CLEC10A: variants seen among roughly 807,000 people sequenced by gnomAD.
CLEC10A encodes C-type lectin domain containing 10A.
CLEC10A carries 38 observed loss-of-function variants against 42.0 expected under a neutral mutation model. The ratio of observed to expected loss-of-function variants is 0.90; its 90% CI spans 0.70 to 1.18. CLEC10A has a LOEUF of 1.18. Ranked by LOEUF, CLEC10A falls within the 50% of genes most tolerant of loss-of-function variation. The probability of loss-of-function intolerance (pLI) is 0.00; values close to 1 mark genes in which losing one functional copy is unlikely to be tolerated. For missense variants in CLEC10A, 298 were observed against 345.9 expected (o/e 0.86, Z 1.10); for synonymous variants, 126 against 139.9 (o/e 0.90, Z 0.70).
intron 7 of CLEC10A, 79 bp from the exon 8 acceptor site, chr17:7,075,545 T>G: frequency 7.0e-7 from 1 of 1,433,620 alleles, no homozygotes; most frequent in Non-Finnish European, 9.7e-7. Context: ...ACTTTAGCTC[T>G]TCGTTAAATC....
chr17:7,078,589 T>G lies in CLEC10A; in HGVS notation c.67+157A>C. 3 of 703,938 alleles carry G rather than the reference T, an allele frequency of 4.3e-6. No individual in the cohort carries two copies. In the Admixed American group the frequency reaches 6.7e-5, roughly 16 times the overall value. The allele number at this position is 703,938 out of a possible 1,614,324, so 43.6% of individuals were successfully genotyped here. A position where few individuals can be genotyped will look rare whatever the true frequency, so the allele number is the denominator to read the frequency against. On this transcript the variant is annotated intron_variant, in intron 2 of 8. Transcript: ENST00000416562. ...CCCTGTCCCAGTCTTTCTAGAGACC[T>G]TGCATCCTCTTCACACTAGGCCCGT...
chr17:7,075,031 C>T lies in CLEC10A; in HGVS notation c.*23G>A, dbSNP rs762647211. On this transcript the variant is annotated 3_prime_UTR_variant, in exon 9 of 9. Transcript: ENST00000416562. ...CTCCTCCCACCGCCATTTCTGTGGC[C>T]GGGTGGTCCCACCAAAGGCAGCTCA... 8.3e-5 allele frequency: 126 copies of T among 1,523,616 alleles called. 1 individual carries two copies. In the South Asian group the frequency reaches 1.4e-3, roughly 16 times the overall value. The allele number at this position is 1,523,616 out of a possible 1,614,324, so 94.4% of individuals were successfully genotyped here.
chr17:7,077,013 T>C (rs555759895), intron 3 of CLEC10A, 26 bp from the exon 4 acceptor site: 1 of 1,530,514 alleles, frequency 6.5e-7, no homozygotes, highest in African/African-American at 1.4e-5. Context: ...GGAAGGTCAG[T>C]GCTGGGATTC....
Position 7,075,063 on chromosome 17 carries a change from C to T in CLEC10A, c.861G>A (p.Glu287=), listed in dbSNP as rs1338974073. The T allele has an allele frequency of 6.3e-7, 1 of 1,575,816 alleles. No homozygotes were observed. Among genetic ancestry groups the T allele is most frequent in the Non-Finnish European group, 8.6e-7 (1 of 1,167,732 alleles). Residue 287 remains glutamate (E), a synonymous_variant, in exon 9 of 9, where the codon GAG becomes GAA. Coordinates refer to ENST00000416562, the MANE Select transcript of CLEC10A (RefSeq NM_001330070.2). ...TCCCACCAAAGGCAGCTCAGTGACT[C>T]TCCTGGCTGGTCTGACCCAGGCCAG... The part of the protein sequence containing the change: ...CEAGLGQTSQ[E]SH
chr17:7,074,880 T>C lies in CLEC10A; in HGVS notation c.*174A>G. 1 of 448,592 alleles carries C rather than the reference T, an allele frequency of 2.2e-6. No individual in the cohort carries two copies. Among genetic ancestry groups the C allele is most frequent in the Non-Finnish European group, 3.8e-6 (1 of 266,032 alleles). The allele number at this position is 448,592 out of a possible 1,614,324, so 27.8% of individuals were successfully genotyped here. On this transcript the variant is annotated 3_prime_UTR_variant, in exon 9 of 9. Transcript: ENST00000416562. ...CAAAAGTTGGAAAAAAAATAAAAGCTTAAGAACACTATACCATCTTTTTAA... is the reference window on the plus strand; with the variant it reads ...CAAAAGTTGGAAAAAAAATAAAAGCCTAAGAACACTATACCATCTTTTTAA...
chr17:7,078,238 A>C, intron 2 of CLEC10A, 125 bp from the exon 3 acceptor site: 2 of 672,942 alleles, frequency 3.0e-6, no homozygotes, highest in Non-Finnish European at 5.0e-6. Context: ...GGGTTGGACA[A>C]GGAGGATTTT....
Position 7,076,747 on chromosome 17 carries a change from T to C in CLEC10A, c.338A>G (p.Gln113Arg), listed in dbSNP as rs1356054293. Residue 113 changes from glutamine (Q) to arginine (R), a missense_variant, in exon 5 of 9, where the codon CAG becomes CGG. Physicochemically the swap from Gln to Arg is conservative, Grantham distance 43. Coordinates refer to ENST00000416562, the MANE Select transcript of CLEC10A (RefSeq NM_001330070.2). ...SLKAEVEGFKQERQAVHSEML... is the reference protein window; with the variant it reads ...SLKAEVEGFKRERQAVHSEML... ...GGGTCTCTCACCTGCCTGCCGTTCC[T>C]GCTTGAAACCCTCCACCTCAGCTTT... 6.2e-7 allele frequency: 1 copy of C among 1,613,622 alleles called. No homozygotes were observed. The highest frequency in any genetic ancestry group is 8.5e-7 in the Non-Finnish European group (1 of 1,179,946).
In CLEC10A at chr17:7,077,987, T is replaced by A; in HGVS notation, c.184+10A>T. On this transcript the variant is annotated intron_variant, in intron 3 of 8. Coordinates refer to ENST00000416562, the MANE Select transcript of CLEC10A (RefSeq NM_001330070.2). ...TTTCTCTCTTCCCTGTCCACCCCTG[T>A]GACCCTCACTTTGGAATCCAACCAC... The A allele has an allele frequency of 6.3e-7, 1 of 1,590,160 alleles. No homozygotes were observed.
rs752777715 is a variant in CLEC10A, at chr17:7,075,440, G to A, written c.621C>T (p.Ser207=). ...EQNFVQKYLG[S]AYTWMGLSDP... ...CACTGAGGCCCATCCAGGTGTATGC[G>A]GAGCCTAGATATTTCTGGACAAAAT... Residue 207 remains serine, a synonymous_variant, in exon 8 of 9, where the codon TCC becomes TCT. Transcript: ENST00000416562. 10 of 1,530,152 alleles carry A rather than the reference G, an allele frequency of 6.5e-6. No individual in the cohort carries two copies. Among genetic ancestry groups the A allele is most frequent in the African/African-American group, 2.8e-5 (2 of 71,998 alleles). 94.8% of individuals were successfully genotyped at this position (1,530,152 alleles called of 1,614,324 possible). A position where few individuals can be genotyped will look rare whatever the true frequency, so the allele number is the denominator to read the frequency against.
In CLEC10A at chr17:7,076,822, T is replaced by C; in HGVS notation, c.281-18A>G. On this transcript the variant is annotated intron_variant, in intron 4 of 8. Transcript: ENST00000416562. ...GCTGCTGCCTGGAGGACACGGAGAC[T>C]TGGCTTAGGGGTCAACTTCCTCCTC... 3 of 1,613,962 alleles carry C rather than the reference T, an allele frequency of 1.9e-6. No homozygotes were observed. The highest frequency in any genetic ancestry group is 2.5e-6 in the Non-Finnish European group (3 of 1,179,978).
At chr17:7,078,724 A>C (rs750914016) in intron 2 of CLEC10A, 22 bp downstream of exon 2, 1 of 1,608,882 alleles carries the variant, frequency 6.2e-7, no homozygotes, top group South Asian at 1.1e-5. Flanking sequence ...GCATTTTAGG[A>C]GAGTTTCCCC....
At position 7,075,003 on chromosome 17, in the gene CLEC10A, G is replaced by A. The variant is rs746049589; in HGVS notation, c.*51C>T. On this transcript the variant is annotated 3_prime_UTR_variant, in exon 9 of 9. Coordinates refer to ENST00000416562, the MANE Select transcript of CLEC10A (RefSeq NM_001330070.2). ...GTCTTGCGAGGAGGTCGTGAGAAGA[G>A]TCCTCCTCCCACCGCCATTTCTGTG... 2 of 1,468,174 alleles carry A rather than the reference G, an allele frequency of 1.4e-6. No homozygotes were observed. Among genetic ancestry groups the A allele is most frequent in the Non-Finnish European group, 9.0e-7 (1 of 1,106,352 alleles). 90.9% of individuals were successfully genotyped at this position (1,468,174 alleles called of 1,614,324 possible). A position where few individuals can be genotyped will look rare whatever the true frequency, so the allele number is the denominator to read the frequency against.
Position 7,075,968 on chromosome 17 carries a change from C to A in CLEC10A, c.439+17G>T, listed in dbSNP as rs1911708787. ...GGGCAGAAAAGTAGGGCCAGGTACT[C>A]CCCATACCTTCCTCACCATTGTTGT... is the stretch of plus-strand genomic sequence containing the variant. On this transcript the variant is annotated intron_variant, in intron 6 of 8. Transcript: ENST00000416562. 1 of 1,614,102 alleles carries A rather than the reference C, an allele frequency of 6.2e-7. No homozygotes were observed. The highest frequency in any genetic ancestry group is 1.1e-5 in the South Asian group (1 of 91,074).
chr17:7,077,494 CCCACCA>C (rs1165716293), intron 3 of CLEC10A, among the ~76,000 whole-genome samples: 1 of 112,122 alleles, frequency 8.9e-6, no homozygotes, highest in Non-Finnish European at 1.8e-5. Flanking sequence ...ATCAGTGACC[CCCACCA>C]CCATTCCCAT....
At chr17:7,079,240 C>A (rs1912040477) in intron 1 of CLEC10A, among the ~76,000 whole-genome samples, 1 of 151,988 alleles carries the variant, frequency 6.6e-6, no homozygotes, top group South Asian at 2.1e-4. Context: ...TGGCTTTGGG[C>A]TGGTGTTAAA....
chr17:7,079,358 A>G (rs966622174), intron 1 of CLEC10A, among the ~76,000 whole-genome samples: 5 of 152,200 alleles, frequency 3.3e-5, no homozygotes, highest in South Asian at 2.1e-4. Context: ...CGAAGCAGAC[A>G]GATCACTTTA....
At chr17:7,077,141 T>C (rs896975375) in intron 3 of CLEC10A, among the ~76,000 whole-genome samples, 154 bp from the exon 4 acceptor site, 1 of 152,012 alleles carries the variant, frequency 6.6e-6, no homozygotes, top group Non-Finnish European at 1.5e-5. Flanking sequence ...ATGAGGAAAC[T>C]AAGCCTCAGA....
intron 3 of CLEC10A, among the ~76,000 whole-genome samples, chr17:7,077,784 G>GCC (rs1911932613): frequency 6.6e-5 from 3 of 45,564 alleles, no homozygotes; most frequent in African/African-American, 2.2e-4. Flanking sequence ...CCCCATCAGT[G>GCC]CTTCAGTGGC....
Position 7,075,192 on chromosome 17 carries a change from C to A in CLEC10A, c.732G>T (p.Trp244Cys). 6.4e-7 allele frequency: 1 copy of A among 1,564,954 alleles called. No individual in the cohort carries two copies. Among genetic ancestry groups the A allele is most frequent in the South Asian group, 1.2e-5 (1 of 83,776 alleles). Reference sequence around the variant, plus strand: ...CGCCTCCACCCAGCCCGTGCCCCTGCCAGTCGTCTGGCTGGCCTGGCTTCC... The same window carrying A: ...CGCCTCCACCCAGCCCGTGCCCCTGACAGTCGTCTGGCTGGCCTGGCTTCC... ...QNWKPGQPDD[W>C]QGHGLGGGED... Residue 244 changes from tryptophan to cysteine, a missense_variant, in exon 9 of 9, where the codon TGG becomes TGT. Trp to Cys is a radical substitution (Grantham distance 215, BLOSUM62 -2). Coordinates refer to ENST00000416562, the MANE Select transcript of CLEC10A (RefSeq NM_001330070.2).
Sources: gnomAD v4.1 joint callset for allele counts (sites outside exome capture counted in the v4.1 genomes callset) on GRCh38, gnomAD v4.1.1 for gene constraint, MANE v1.5 for transcripts, NCBI Gene and HGNC (gene_info 2026-07-23, HGNC 2026-07-21) for gene names.